The following SOAT1 variants were observed in gnomAD, a reference collection of about 807,000 sequenced individuals.
SOAT1 encodes acyl-coenzyme A:cholesterol acyltransferase 1.
SOAT1 carries 55 observed loss-of-function variants against 69.5 expected under a neutral mutation model. The ratio of observed to expected loss-of-function variants is 0.79; its 90% CI spans 0.64 to 0.99. The LOEUF is 0.99. Among genes scored for constraint, SOAT1 ranks in the 50% least tolerant of loss-of-function variants. SOAT1 has a pLI of 0.00. For synonymous variants in SOAT1, 231 were observed against 224.7 expected, an observed-to-expected ratio of 1.03 and a Z score of -0.25; for missense variants, 580 against 669.3, an observed-to-expected ratio of 0.87 and a Z score of 1.47.
intron 1 of SOAT1, among the ~76,000 whole-genome samples, chr1:179,295,877 C>T (rs1335094067): frequency 5.3e-5 from 6 of 113,828 alleles, no homozygotes; most frequent in African/African-American, 2.0e-4. Flanking sequence ...CTCGGCTCCC[C>T]GCAACCTCCG....
At chr1:179,298,778 T>C (rs1664737412) in intron 1 of SOAT1, among the ~76,000 whole-genome samples, 1 of 152,212 alleles carries the variant, frequency 6.6e-6, no homozygotes, top group Admixed American at 6.5e-5. Flanking sequence ...AATACTATAC[T>C]GAAAGTGAAA....
intron 2 of SOAT1, among the ~76,000 whole-genome samples, chr1:179,309,575 A>G (rs1665148936): frequency 6.6e-6 from 1 of 152,192 alleles, no homozygotes. Context: ...GTATACATAT[A>G]GCATAAATTT....
intron 12 of SOAT1, 93 bp from the exon 13 acceptor site, chr1:179,348,751 T>C: frequency 1.4e-6 from 1 of 699,264 alleles, no homozygotes. Flanking sequence ...GGGTTTGCTT[T>C]CGGGTGGGAT....
Position 179,323,416 on chromosome 1 carries a change from CAT to C in SOAT1, c.119-20_119-19del. On this transcript the variant is annotated intron_variant, in intron 2 of 15. Coordinates refer to ENST00000367619, the MANE Select transcript of SOAT1 (RefSeq NM_003101.6). The stretch of plus-strand genomic sequence containing the variant: ...TAGCTGTATCCATCAACTTAAAAGT[CAT>C]GTTTTTTTCTTCCCGTAGGTCGAAT... The C allele has an allele frequency of 6.2e-7, 1 of 1,610,348 alleles. No homozygotes were observed. The highest frequency in any genetic ancestry group is 1.3e-5 in the African/African-American group (1 of 74,956).
At chr1:179,342,271 C>T (rs1666365727) in intron 8 of SOAT1, 79 bp downstream of exon 8, 1 of 667,674 alleles carries the variant, frequency 1.5e-6, no homozygotes, top group Non-Finnish European at 2.4e-6. Context: ...CCTTCCCTTC[C>T]CTTCTTTCCT....
chr1:179,329,304 G>A (rs138479892), intron 3 of SOAT1, among the ~76,000 whole-genome samples: 27 of 150,042 alleles, frequency 1.8e-4, no homozygotes, highest in African/African-American at 6.4e-4. Flanking sequence ...ATGGCATTGC[G>A]CTCCAGCCTG....
intron 2 of SOAT1, among the ~76,000 whole-genome samples, chr1:179,308,738 C>A (rs1337466560): frequency 6.7e-6 from 1 of 149,746 alleles, no homozygotes; most frequent in Non-Finnish European, 1.5e-5. Flanking sequence ...AATTTTTTTA[C>A]ATTTAAAGTA....
At chr1:179,318,622 A>T (rs991573841) in intron 2 of SOAT1, among the ~76,000 whole-genome samples, 4 of 152,074 alleles carry the variant, frequency 2.6e-5, no homozygotes, top group Non-Finnish European at 5.9e-5. Flanking sequence ...TTTTTGCCAT[A>T]ACCCCGCGCC....
intron 2 of SOAT1, among the ~76,000 whole-genome samples, chr1:179,307,554 G>GA (rs924488426): frequency 2.2e-4 from 32 of 143,498 alleles, no homozygotes; most frequent in South Asian, 1.2e-3. Flanking sequence ...AACATAGTGA[G>GA]ACCCCATCTC....
At chr1:179,321,644 T>G (rs988165376) in intron 2 of SOAT1, among the ~76,000 whole-genome samples, 2 of 152,230 alleles carry the variant, frequency 1.3e-5, no homozygotes, top group Admixed American at 1.3e-4. Flanking sequence ...GTTGGACCTC[T>G]TCTATGTCTT....
In SOAT1 at chr1:179,337,821, T is replaced by G. The variant is rs1666209325; in HGVS notation, c.330-16T>G. 1 of 1,588,618 alleles carries G rather than the reference T, an allele frequency of 6.3e-7. No individual in the cohort carries two copies. The highest frequency in any genetic ancestry group is 8.6e-7 in the Non-Finnish European group (1 of 1,166,974). ...TTGAAGTACTTATATCTTGTTTTAATTTTTCCTCTTCTCAGGGATTTGAGA... is the reference window on the plus strand; with the variant it reads ...TTGAAGTACTTATATCTTGTTTTAAGTTTTCCTCTTCTCAGGGATTTGAGA... On this transcript the variant is annotated splice_polypyrimidine_tract_variant and intron_variant, in intron 4 of 15. Coordinates refer to ENST00000367619, the MANE Select transcript of SOAT1 (RefSeq NM_003101.6).
At position 179,299,828 on chromosome 1, in the gene SOAT1, A is replaced by G. The variant is rs553948635; in HGVS notation, c.-8-2849A>G. 5.3e-3 allele frequency among the ~76,000 whole-genome samples: 679 copies of G among 128,452 alleles called. 6 individuals are homozygous for G. The highest frequency in any genetic ancestry group is 0.019 in the African/African-American group (642 of 33,396). The allele number at this position is 128,452 out of a possible 152,430, so 84.3% of individuals were successfully genotyped here. A position where few individuals can be genotyped will look rare whatever the true frequency, so the allele number is the denominator to read the frequency against. On this transcript the variant is annotated intron_variant, in intron 1 of 15. Transcript: ENST00000367619. ...GAGTACAGTGGTGTGATCTCAGCTC[A>G]CTGCAAGCTCCGCCTCCTGGGTTCA...
At chr1:179,322,224 A>G (rs1471509309) in intron 2 of SOAT1, among the ~76,000 whole-genome samples, 2 of 151,960 alleles carry the variant, frequency 1.3e-5, no homozygotes, top group African/African-American at 4.8e-5. Context: ...TATTTCCCTT[A>G]ACATATTGAT....
chr1:179,344,351 GGGTTTTTT>G (rs1666446902), intron 10 of SOAT1, among the ~76,000 whole-genome samples: 2 of 4,406 alleles, frequency 4.5e-4, no homozygotes, highest in African/African-American at 2.3e-3. Flanking sequence ...TTTCATTAAG[GGGTTTTTT>G]TTTTTTTTTT....
chr1:179,317,013 A>G (rs1451414508), intron 2 of SOAT1, among the ~76,000 whole-genome samples: 1 of 152,208 alleles, frequency 6.6e-6, no homozygotes, highest in Non-Finnish European at 1.5e-5. Flanking sequence ...AACAGGTTAT[A>G]AAGCAGTATG....
chr1:179,335,653 G>A lies in SOAT1; in HGVS notation c.325G>A (p.Ala109Thr), dbSNP rs376493004. 22 of 1,611,220 alleles carry A rather than the reference G, an allele frequency of 1.4e-5. No individual in the cohort carries two copies. In the South Asian group the frequency reaches 1.9e-4, roughly 14 times the overall value. The change falls in exon 4 of 16, where the codon GCG becomes ACG. Residue 109 changes from alanine to threonine, a missense_variant. Coordinates refer to ENST00000367619, the MANE Select transcript of SOAT1 (RefSeq NM_003101.6). ...VLEGEKNNHR[A>T]KDLRAPPEQG... is the part of the protein sequence containing the mutation. The stretch of plus-strand genomic sequence containing the variant: ...TGAAGGAGAGAAAAACAACCATAGA[G>A]CGAAGTAAGTATGTGCTATTTTCTT...
intron 1 of SOAT1, among the ~76,000 whole-genome samples, chr1:179,295,089 C>T (rs1371558587): frequency 1.3e-5 from 2 of 152,144 alleles, no homozygotes; most frequent in East Asian, 1.9e-4. Flanking sequence ...TAGTGAATCA[C>T]ATGCTTAGAA....
At chr1:179,318,080 A>G (rs373424766) in intron 2 of SOAT1, among the ~76,000 whole-genome samples, 60 of 152,174 alleles carry the variant, frequency 3.9e-4, no homozygotes, top group African/African-American at 1.4e-3. Flanking sequence ...CTATGGTCCC[A>G]GCTAGCGGGG....
chr1:179,309,303 C>G (rs932800409), intron 2 of SOAT1, among the ~76,000 whole-genome samples: 1 of 152,032 alleles, frequency 6.6e-6, no homozygotes, highest in Non-Finnish European at 1.5e-5. Context: ...AGGCTGGTCT[C>G]GAACTCCTGA....
Sources: allele counts gnomAD v4.1 joint callset (sites outside exome capture counted in the v4.1 genomes callset), GRCh38; gene constraint gnomAD v4.1.1; transcripts MANE v1.5; gene names NCBI Gene and HGNC (gene_info 2026-07-23, HGNC 2026-07-21).